Variants in CPA6 observed in about 807,000 individuals in gnomAD.
CPA6 encodes carboxypeptidase A6.
A neutral mutation model predicts 63.3 loss-of-function variants in CPA6; 58 were observed. The observed-to-expected ratio is 0.92, with a 90% confidence interval of 0.74 to 1.14. The LOEUF (loss-of-function observed/expected upper bound fraction) is 1.14. CPA6 is among the 50% of genes most tolerant of loss of function. The pLI, the probability that CPA6 is intolerant of heterozygous loss-of-function variation, is 0.00. For missense variants in CPA6, 565 were observed against 526.6 expected (o/e 1.07, Z -0.71); for synonymous variants, 185 against 179.0 (o/e 1.03, Z -0.27).
chr8:67,514,926 T>C (rs1317947367), intron 3 of CPA6, among the ~76,000 whole-genome samples: 2 of 152,212 alleles, frequency 1.3e-5, no homozygotes, highest in African/African-American at 4.8e-5. Flanking sequence ...GAAGCATAGA[T>C]AAAATACCTT....
At chr8:67,544,650 T>G (rs928326053) in intron 2 of CPA6, among the ~76,000 whole-genome samples, 1 of 152,226 alleles carries the variant, frequency 6.6e-6, no homozygotes, top group Non-Finnish European at 1.5e-5. Context: ...TGCTTTACGC[T>G]TTGCTAAATG....
chr8:67,661,875 C>A (rs1054686635), intron 1 of CPA6, among the ~76,000 whole-genome samples: 1 of 152,138 alleles, frequency 6.6e-6, no homozygotes, highest in Admixed American at 6.5e-5. Context: ...TGTCTTTCTG[C>A]GTCTAGTTTA....
chr8:67,422,924 G>A (rs566431649), intron 10 of CPA6, among the ~76,000 whole-genome samples: 1 of 152,124 alleles, frequency 6.6e-6, no homozygotes, highest in Non-Finnish European at 1.5e-5. Flanking sequence ...TGCCTTACCA[G>A]CACGAAGACT....
intron 2 of CPA6, among the ~76,000 whole-genome samples, chr8:67,541,938 T>C (rs1240838784): frequency 6.6e-6 from 1 of 152,246 alleles, no homozygotes; most frequent in Non-Finnish European, 1.5e-5. Flanking sequence ...GAGCTGTTCC[T>C]ATTTGGGCAT....
chr8:67,475,755 T>TC (rs1554666485), intron 8 of CPA6, among the ~76,000 whole-genome samples: 1 of 144,386 alleles, frequency 6.9e-6, no homozygotes, highest in Admixed American at 7.1e-5. Flanking sequence ...TTCTTTCTTT[T>TC]TTTCTTTCTT....
chr8:67,651,560 T>C (rs1309079756), intron 1 of CPA6, among the ~76,000 whole-genome samples: 2 of 152,118 alleles, frequency 1.3e-5, no homozygotes, highest in Non-Finnish European at 2.9e-5. Flanking sequence ...TCCCAAAGTA[T>C]TAGCCTCATG....
chr8:67,605,347 A>G (rs1193968341), intron 2 of CPA6, among the ~76,000 whole-genome samples: 3 of 152,142 alleles, frequency 2.0e-5, no homozygotes, highest in Non-Finnish European at 2.9e-5. Flanking sequence ...TAGGGCCCCC[A>G]TGGATACCAA....
chr8:67,631,756 T>C (rs1386978250), intron 1 of CPA6, among the ~76,000 whole-genome samples: 5 of 152,172 alleles, frequency 3.3e-5, no homozygotes, highest in Non-Finnish European at 7.3e-5. Flanking sequence ...TTATGAGCTG[T>C]AACACTCACT....
At chr8:67,731,591 T>C (rs898389006) in intron 1 of CPA6, among the ~76,000 whole-genome samples, 1 of 152,252 alleles carries the variant, frequency 6.6e-6, no homozygotes, top group Non-Finnish European at 1.5e-5. Context: ...CAACTTTATT[T>C]GATCAACTCT....
rs148724833 is a variant in CPA6, at chr8:67,481,716, A to G, written c.838+2052T>C. Among the ~76,000 whole-genome samples, 8 of 152,248 alleles carry G rather than the reference A, an allele frequency of 5.3e-5. No homozygotes were observed. In the East Asian group the frequency reaches 1.4e-3, roughly 26 times the overall value. Reference sequence around the variant, plus strand: ...GTTTATTTGGAGGTTCACTTTAGGGAATTTCATACTTACCTCAATACCCCT... The same window carrying G: ...GTTTATTTGGAGGTTCACTTTAGGGGATTTCATACTTACCTCAATACCCCT... On this transcript the variant is annotated intron_variant, in intron 8 of 10. Transcript: ENST00000297770.
chr8:67,657,274 T>C (rs1780735908), intron 1 of CPA6, among the ~76,000 whole-genome samples: 1 of 152,216 alleles, frequency 6.6e-6, no homozygotes, highest in Non-Finnish European at 1.5e-5. Flanking sequence ...TCCTTCGTGA[T>C]TACAGCAGAC....
chr8:67,594,758 G>T (rs1424894571), intron 2 of CPA6, among the ~76,000 whole-genome samples: 1 of 151,948 alleles, frequency 6.6e-6, no homozygotes, highest in Admixed American at 6.6e-5. Context: ...TCTCTATATT[G>T]GTTATTCTAG....
intron 9 of CPA6, among the ~76,000 whole-genome samples, chr8:67,430,133 G>A (rs6982920): frequency 8.7e-3 from 235 of 26,864 alleles, no homozygotes; most frequent in African/African-American, 0.063. Context: ...ATATATATAT[G>A]TGTGTGTGTG....
chr8:67,601,648 AC>A (rs1300988808), intron 2 of CPA6, among the ~76,000 whole-genome samples: 3 of 152,340 alleles, frequency 2.0e-5, no homozygotes, highest in Admixed American at 2.0e-4. Flanking sequence ...ATCATTTGAT[AC>A]ATCACATATC....
chr8:67,598,763 A>C (rs1432951996), intron 2 of CPA6, among the ~76,000 whole-genome samples: 1 of 152,168 alleles, frequency 6.6e-6, no homozygotes, highest in Non-Finnish European at 1.5e-5. Context: ...TTTATGTCTA[A>C]ACAAATACAT....
intron 8 of CPA6, among the ~76,000 whole-genome samples, chr8:67,448,639 G>GAAAAAAA (rs61317091): frequency 1.3e-4 from 3 of 23,310 alleles, no homozygotes; most frequent in African/African-American, 3.4e-4. Context: ...CTCAAAAAAG[G>GAAAAAAA]AAAAAAAAAA....
chr8:67,510,472 T>G (rs1202619897), intron 4 of CPA6, among the ~76,000 whole-genome samples: 1 of 152,174 alleles, frequency 6.6e-6, no homozygotes, highest in Non-Finnish European at 1.5e-5. Context: ...TTGTAAAATT[T>G]GACTGTTTTC....
rs185237307 is a variant in CPA6, at chr8:67,489,416, T to C, written c.637-4627A>G. ...TCAAGATGAAATCACCTACGATACA[T>C]AGTAGTTTTGTTATCATTCAGTTCT... On this transcript the variant is annotated intron_variant, in intron 6 of 10. Transcript: ENST00000297770. Among the ~76,000 whole-genome samples, 256 of 152,308 alleles carry C rather than the reference T, an allele frequency of 1.7e-3. 2 individuals are homozygous for C. The highest frequency in any genetic ancestry group is 2.4e-4 in the Non-Finnish European group (16 of 68,016).
intron 4 of CPA6, among the ~76,000 whole-genome samples, chr8:67,510,901 T>C (rs1812030031): frequency 6.6e-6 from 1 of 152,212 alleles, no homozygotes; most frequent in African/African-American, 2.4e-5. Flanking sequence ...ATCACATCCT[T>C]GTGCTATGGG....
Sources: gnomAD v4.1 joint callset for allele counts (sites outside exome capture counted in the v4.1 genomes callset) on GRCh38, gnomAD v4.1.1 for gene constraint, MANE v1.5 for transcripts, NCBI Gene and HGNC (gene_info 2026-07-23, HGNC 2026-07-21) for gene names.